HYCC2: variants seen among roughly 807,000 people sequenced by gnomAD.
HYCC2 encodes hyccin PI4KA lipid kinase complex subunit 2, also known as hyccin 2.
chr2:201,000,754 A>G, the HYCC2 span, among the ~76,000 whole-genome samples: 2 of 152,174 alleles, frequency 1.3e-5, no homozygotes, highest in Non-Finnish European at 2.9e-5. Context: ...TGTTCACACA[A>G]AAATTTGTGA....
the HYCC2 span, among the ~76,000 whole-genome samples, chr2:201,026,532 CACTT>C: frequency 6.6e-6 from 1 of 152,232 alleles, no homozygotes; most frequent in Non-Finnish European, 1.5e-5. Context: ...CACTACATCA[CACTT>C]ATTCCAAAAT....
chr2:201,023,949 TC>T, the HYCC2 span: 1 of 1,606,736 alleles, frequency 6.2e-7, no homozygotes, highest in Non-Finnish European at 8.5e-7. Context: ...TGATCTCCAA[TC>T]CAATTTACCT....
chr2:201,069,797 G>A, the HYCC2 span, among the ~76,000 whole-genome samples: 1 of 152,098 alleles, frequency 6.6e-6, no homozygotes, highest in East Asian at 1.9e-4. Flanking sequence ...TCTCAGTACT[G>A]AGAACATCTG....
the HYCC2 span, chr2:201,063,948 G>T: frequency 1.8e-3 from 2,862 of 1,597,400 alleles, 53 homozygotes; most frequent in African/African-American, 0.032. Flanking sequence ...AGAAGCTCTG[G>T]CCCCTATGGC....
the HYCC2 span, among the ~76,000 whole-genome samples, chr2:201,065,677 T>C: frequency 1.3e-5 from 2 of 152,320 alleles, no homozygotes; most frequent in East Asian, 3.9e-4. Flanking sequence ...GCGTAAGGGT[T>C]AAAGATAGAT....
chr2:201,042,396 A>G, the HYCC2 span, among the ~76,000 whole-genome samples: 3 of 151,622 alleles, frequency 2.0e-5, no homozygotes, highest in Admixed American at 6.6e-5. Flanking sequence ...GGAAGTGAGG[A>G]GCGTCTCTGC....
At chr2:201,035,786 G>A in the HYCC2 span, among the ~76,000 whole-genome samples, 2 of 152,102 alleles carry the variant, frequency 1.3e-5, no homozygotes, top group African/African-American at 4.8e-5. Flanking sequence ...TTTTGGTGTG[G>A]ATGTCCTTTC....
At chr2:201,003,495 G>T in the HYCC2 span, among the ~76,000 whole-genome samples, 1 of 152,034 alleles carries the variant, frequency 6.6e-6, no homozygotes, top group African/African-American at 2.4e-5. Flanking sequence ...TGGATCACAA[G>T]GTCAGGGGTT....
the HYCC2 span, among the ~76,000 whole-genome samples, chr2:201,053,592 C>G: frequency 6.6e-6 from 1 of 152,130 alleles, no homozygotes; most frequent in Non-Finnish European, 1.5e-5. Flanking sequence ...CCAGCACTAC[C>G]CAACAAATGT....
the HYCC2 span, chr2:201,017,096 C>T: frequency 6.2e-7 from 1 of 1,614,036 alleles, no homozygotes; most frequent in Non-Finnish European, 8.5e-7. Flanking sequence ...GCAAGAACTG[C>T]AGTGTGAACC....
chr2:201,011,605 T>C, the HYCC2 span: 2 of 512,514 alleles, frequency 3.9e-6, no homozygotes, highest in African/African-American at 2.0e-5. Context: ...ATAAAAACAT[T>C]ACCACCCTAG....
chr2:201,046,192 C>T, the HYCC2 span, among the ~76,000 whole-genome samples: 1 of 152,164 alleles, frequency 6.6e-6, no homozygotes, highest in East Asian at 1.9e-4. Context: ...GAATCATTTT[C>T]AAATTGCTAA....
the HYCC2 span, among the ~76,000 whole-genome samples, chr2:201,020,051 TC>T: frequency 6.6e-6 from 1 of 152,040 alleles, no homozygotes. Context: ...GCCACTGTAC[TC>T]CAGCATGGGA....
the HYCC2 span, among the ~76,000 whole-genome samples, chr2:201,064,389 T>C: frequency 1.3e-5 from 2 of 152,140 alleles, no homozygotes; most frequent in African/African-American, 2.4e-5. Context: ...TTTTTTTTAA[T>C]GTGCTGTGTA....
At chr2:201,041,537 A>G in the HYCC2 span, among the ~76,000 whole-genome samples, 1 of 152,172 alleles carries the variant, frequency 6.6e-6, no homozygotes, top group Non-Finnish European at 1.5e-5. Context: ...TTTCTGAACC[A>G]CTTTATGTAA....
At chr2:201,039,778 A>G in the HYCC2 span, among the ~76,000 whole-genome samples, 1 of 152,224 alleles carries the variant, frequency 6.6e-6, no homozygotes, top group Non-Finnish European at 1.5e-5. Flanking sequence ...GATGACTACT[A>G]CTACTTCACA....
the HYCC2 span, among the ~76,000 whole-genome samples, chr2:201,015,265 C>T: frequency 6.6e-6 from 1 of 152,150 alleles, no homozygotes; most frequent in Non-Finnish European, 1.5e-5. Context: ...ACCTTTTTAC[C>T]TTGCTTCCTA....
the HYCC2 span, among the ~76,000 whole-genome samples, chr2:201,011,134 G>A: frequency 6.6e-6 from 1 of 152,018 alleles, no homozygotes. Flanking sequence ...GACAGAGCGA[G>A]ACTCCATCTC....
the HYCC2 span, chr2:200,977,796 G>A: frequency 1.3e-5 from 2 of 152,388 alleles, no homozygotes; most frequent in Admixed American, 1.3e-4. Context: ...AGGCTGCAGT[G>A]AGCCGTGATA....
Sources: gnomAD v4.1 joint callset for allele counts (sites outside exome capture counted in the v4.1 genomes callset) on GRCh38, gnomAD v4.1.1 for gene constraint, MANE v1.5 for transcripts, NCBI Gene and HGNC (gene_info 2026-07-23, HGNC 2026-07-21) for gene names.